The following STPG2 variants were observed in gnomAD, a reference collection of about 807,000 sequenced individuals.
STPG2 encodes sperm-tail PG-rich repeat-containing protein 2.
In STPG2, 56 loss-of-function variants were observed where a neutral mutation model predicts 54.2. The ratio of observed to expected loss-of-function variants is 1.03; its 90% CI spans 0.83 to 1.29. STPG2 has a LOEUF of 1.29. Among genes scored for constraint, STPG2 ranks in the 50% most tolerant of loss-of-function variants. The probability of loss-of-function intolerance (pLI) is 0.00; values close to 1 mark genes in which losing one functional copy is unlikely to be tolerated. For synonymous variants in STPG2, 200 were observed against 181.8 expected (o/e 1.10, Z -0.81); for missense variants, 596 against 544.9 (o/e 1.09, Z -0.93).
chr4:97,730,374 G>A (rs916095942), intron 9 of STPG2, among the ~76,000 whole-genome samples: 1 of 152,140 alleles, frequency 6.6e-6, no homozygotes, highest in Admixed American at 6.5e-5. Flanking sequence ...TGGTATATAT[G>A]TACGACATTT....
intron 9 of STPG2, among the ~76,000 whole-genome samples, chr4:97,832,260 G>T (rs1728491743): frequency 6.6e-6 from 1 of 152,136 alleles, no homozygotes; most frequent in African/African-American, 2.4e-5. Flanking sequence ...CAGAGCCAAT[G>T]ACCAAAAAAA....
chr4:97,901,364 G>T (rs74342486), intron 8 of STPG2, among the ~76,000 whole-genome samples: 3,068 of 151,768 alleles, frequency 0.02, 115 homozygotes, highest in African/African-American at 0.07. Context: ...AATAATAAAA[G>T]GCATCCAACT....
chr4:97,920,865 T>A (rs1732079694), intron 8 of STPG2, among the ~76,000 whole-genome samples: 1 of 152,202 alleles, frequency 6.6e-6, no homozygotes, highest in African/African-American at 2.4e-5. Context: ...CCTTTTTTTA[T>A]TTTCTAAAAG....
intron 5 of STPG2, among the ~76,000 whole-genome samples, chr4:97,999,853 A>G (rs748304533): frequency 2.6e-5 from 4 of 152,316 alleles, no homozygotes; most frequent in South Asian, 2.1e-4. Context: ...GGCTGTAAAT[A>G]CACATTGGAA....
At chr4:97,890,690 G>T (rs922860446) in intron 8 of STPG2, among the ~76,000 whole-genome samples, 2 of 151,810 alleles carry the variant, frequency 1.3e-5, no homozygotes, top group African/African-American at 4.8e-5. Context: ...GAGTTGGATT[G>T]TTCCACAAAC....
rs938755838 is a variant in STPG2 at position 97,828,153 on chromosome 4, A to G, written c.1204+12620T>C. 1.4e-4 allele frequency among the ~76,000 whole-genome samples: 22 copies of G among 152,322 alleles called. 1 individual carries two copies. The highest frequency in any genetic ancestry group is 4.8e-4 in the African/African-American group (20 of 41,582). On this transcript the variant is annotated intron_variant, in intron 9 of 10. Coordinates refer to ENST00000295268, the MANE Select transcript of STPG2 (RefSeq NM_174952.3). ...GCAGCTCCCAGTGAGACCGATGCAG[A>G]AGGTGGGTGATTTCTGCATTTCCAA...
chr4:97,642,410 T>C (rs1374955606), intron 10 of STPG2, among the ~76,000 whole-genome samples: 1 of 151,372 alleles, frequency 6.6e-6, no homozygotes, highest in Non-Finnish European at 1.5e-5. Flanking sequence ...ATTGATAGCA[T>C]TTATGATAAA....
intron 4 of STPG2, among the ~76,000 whole-genome samples, chr4:97,531,402 G>A (rs1362827124): frequency 6.6e-6 from 1 of 152,202 alleles, no homozygotes. Context: ...AGATATATCT[G>A]CTTTCCTATA....
intron 10 of STPG2, among the ~76,000 whole-genome samples, chr4:97,709,282 T>C (rs899851808): frequency 1.3e-5 from 2 of 151,704 alleles, no homozygotes; most frequent in African/African-American, 4.8e-5. Flanking sequence ...AATAAGAATC[T>C]CAATTTTTAA....
chr4:98,063,218 A>G (rs1272456700), intron 5 of STPG2, among the ~76,000 whole-genome samples: 2 of 152,294 alleles, frequency 1.3e-5, no homozygotes, highest in East Asian at 3.9e-4. Context: ...TGGGAGACCT[A>G]GGTGGGCGGA....
At chr4:97,636,878 A>G (rs1721560896) in intron 10 of STPG2, among the ~76,000 whole-genome samples, 2 of 151,662 alleles carry the variant, frequency 1.3e-5, no homozygotes, top group African/African-American at 4.8e-5. Flanking sequence ...AGAGTCCAGG[A>G]CCAGATGGAT....
chr4:98,008,728 A>G (rs145752378), intron 5 of STPG2, among the ~76,000 whole-genome samples: 180 of 152,196 alleles, frequency 1.2e-3, no homozygotes, highest in African/African-American at 4.1e-3. Context: ...AAAGCCTCAC[A>G]TATCAATTTT....
intron 9 of STPG2, among the ~76,000 whole-genome samples, chr4:97,832,543 G>T (rs571325958): frequency 1.3e-5 from 2 of 152,248 alleles, no homozygotes; most frequent in South Asian, 2.1e-4. Context: ...AAGATATAAA[G>T]GGTATTCAAA....
At chr4:97,941,024 C>G (rs182037447) in intron 8 of STPG2, among the ~76,000 whole-genome samples, 20 of 152,102 alleles carry the variant, frequency 1.3e-4, no homozygotes, top group African/African-American at 4.8e-4. Flanking sequence ...TATTGCATGT[C>G]AGAAAATTAT....
rs78421960 is a variant in STPG2, at chr4:98,008,305, A to T, written c.613-26987T>A. On this transcript the variant is annotated intron_variant, in intron 5 of 10. Coordinates refer to ENST00000295268, the MANE Select transcript of STPG2 (RefSeq NM_174952.3). ...AACTTATTTTCAGAATTCTGAAATT[A>T]AAAAAAAAAGCTATCAAGCATAAAT... 3.5e-4 allele frequency among the ~76,000 whole-genome samples: 19 copies of T among 54,610 alleles called. No homozygotes were observed. In the East Asian group the frequency reaches 5.3e-3, roughly 15 times the overall value. 35.8% of individuals were successfully genotyped at this position (54,610 alleles called of 152,430 possible).
chr4:97,920,674 C>T (rs183248996), intron 8 of STPG2, among the ~76,000 whole-genome samples: 1 of 150,904 alleles, frequency 6.6e-6, no homozygotes, highest in African/African-American at 2.4e-5. Context: ...AATAAAGAAC[C>T]CTGAACAGCT....
intron 8 of STPG2, among the ~76,000 whole-genome samples, chr4:97,858,303 A>T (rs1729396832): frequency 6.6e-6 from 1 of 151,906 alleles, no homozygotes; most frequent in Non-Finnish European, 1.5e-5. Flanking sequence ...GCAGCAAGAG[A>T]AAAAAAACAA....
intron 5 of STPG2, among the ~76,000 whole-genome samples, chr4:98,062,723 AAAG>A (rs1175196636): frequency 6.6e-6 from 1 of 152,086 alleles, no homozygotes; most frequent in African/African-American, 2.4e-5. Flanking sequence ...CTTTGAATTA[AAAG>A]AAGATGATGG....
intron 8 of STPG2, among the ~76,000 whole-genome samples, chr4:97,854,420 G>T (rs954145125): frequency 6.7e-6 from 1 of 149,636 alleles, no homozygotes; most frequent in Non-Finnish European, 1.5e-5. Context: ...ACATAGATAA[G>T]CACTACTTAA....
Sources: allele counts gnomAD v4.1 joint callset (sites outside exome capture counted in the v4.1 genomes callset), GRCh38; gene constraint gnomAD v4.1.1; transcripts MANE v1.5; gene names NCBI Gene and HGNC (gene_info 2026-07-23, HGNC 2026-07-21).